The following GABRG2 variants were observed in gnomAD, a reference collection of about 807,000 sequenced individuals.
The protein encoded by GABRG2 is gamma-aminobutyric acid receptor subunit gamma-2.
In GABRG2, 16 loss-of-function variants were observed where a neutral mutation model predicts 56.4. The ratio of observed to expected loss-of-function variants is 0.28; its 90% CI spans 0.19 to 0.43. The LOEUF is 0.43. Among genes scored for constraint, GABRG2 ranks in the 20% least tolerant of loss-of-function variants. The pLI, the probability that GABRG2 is intolerant of heterozygous loss-of-function variation, is 1.00. For synonymous variants in GABRG2, 208 were observed against 205.5 expected (o/e 1.01, Z -0.10); for missense variants, 327 against 582.7 (o/e 0.56, Z 4.52).
chr5:162,078,651 C>T (rs997162321), intron 1 of GABRG2, among the ~76,000 whole-genome samples: 9 of 151,294 alleles, frequency 5.9e-5, no homozygotes, highest in Admixed American at 2.6e-4. Flanking sequence ...CTGATCCACC[C>T]GCCTTGGCCT....
At chr5:162,122,650 A>C (rs1763052995) in intron 6 of GABRG2, among the ~76,000 whole-genome samples, 1 of 151,704 alleles carries the variant, frequency 6.6e-6, no homozygotes, top group Non-Finnish European at 1.5e-5. Flanking sequence ...TTTTAAAAAG[A>C]GAGAAAAGAT....
intron 7 of GABRG2, among the ~76,000 whole-genome samples, chr5:162,144,416 C>G (rs1215821615): frequency 3.9e-5 from 6 of 152,154 alleles, no homozygotes; most frequent in Non-Finnish European, 7.3e-5. Flanking sequence ...AATAAGTGTT[C>G]ACTGGCAAAG....
chr5:162,154,902 A>G lies in GABRG2; in HGVS notation c.*1534A>G, dbSNP rs950320663. ...CCTCATTAGATTACATTGTAGTTAAACAAAGCAATTTCTCCAGACTTAAAA... is the reference window on the plus strand; with the variant it reads ...CCTCATTAGATTACATTGTAGTTAAGCAAAGCAATTTCTCCAGACTTAAAA... On this transcript the variant is annotated 3_prime_UTR_variant, in exon 10 of 10. Coordinates refer to ENST00000639213, the MANE Select transcript of GABRG2 (RefSeq NM_198904.4). 2 of 152,138 alleles carry G rather than the reference A, an allele frequency of 1.3e-5. No homozygotes were observed. Among genetic ancestry groups the G allele is most frequent in the Admixed American group, 1.3e-4 (2 of 15,250 alleles). 9.4% of individuals were successfully genotyped at this position (152,138 alleles called of 1,614,324 possible).
intron 1 of GABRG2, among the ~76,000 whole-genome samples, chr5:162,079,375 T>C (rs1759463105): frequency 6.6e-6 from 1 of 152,218 alleles, no homozygotes; most frequent in Non-Finnish European, 1.5e-5. Flanking sequence ...CAATAAAATA[T>C]ATCAGAGAAG....
At chr5:162,067,525 AT>A (rs929024240), upstream of GABRG2, 16 of 430,466 alleles carry the variant, frequency 3.7e-5, no homozygotes, top group African/African-American at 1.2e-4. Context: ...GTCTCTAGTG[AT>A]TTTTTTCCTA....
chr5:162,097,578 A>G, intron 3 of GABRG2, 60 bp from the exon 4 acceptor site: 2 of 1,251,064 alleles, frequency 1.6e-6, no homozygotes, highest in South Asian at 1.2e-5. Flanking sequence ...AAATATACCA[A>G]TATTTAAAAA....
At chr5:162,089,201 C>G (rs1165732485) in intron 1 of GABRG2, among the ~76,000 whole-genome samples, 1 of 152,028 alleles carries the variant, frequency 6.6e-6, no homozygotes, top group African/African-American at 2.4e-5. Context: ...CAGTTACATG[C>G]AAAGGTTCTG....
At chr5:162,110,579 T>A (rs1762183115) in intron 6 of GABRG2, among the ~76,000 whole-genome samples, 1 of 151,828 alleles carries the variant, frequency 6.6e-6, no homozygotes, top group Admixed American at 6.6e-5. Flanking sequence ...AAAAGGAAAG[T>A]TAAAAAGCTA....
intron 1 of GABRG2, among the ~76,000 whole-genome samples, chr5:162,077,073 C>CG (rs1759181821): frequency 6.8e-6 from 1 of 146,638 alleles, no homozygotes; most frequent in Admixed American, 6.9e-5. Context: ...ACAACTACCC[C>CG]TGTGTGTGTG....
chr5:162,094,118 A>C (rs1385083924), intron 2 of GABRG2, 139 bp downstream of exon 2: 9 of 918,800 alleles, frequency 9.8e-6, no homozygotes, highest in Non-Finnish European at 1.5e-5. Context: ...GTAGTGTTTA[A>C]ATAGCATTCA....
At chr5:162,083,985 A>G (rs1049269199) in intron 1 of GABRG2, among the ~76,000 whole-genome samples, 2 of 151,870 alleles carry the variant, frequency 1.3e-5, no homozygotes, top group African/African-American at 2.4e-5. Flanking sequence ...GTCACTTTTC[A>G]TATTAGAAGA....
At chr5:162,133,587 G>A (rs1763907465) in intron 6 of GABRG2, among the ~76,000 whole-genome samples, 2 of 152,090 alleles carry the variant, frequency 1.3e-5, no homozygotes, top group African/African-American at 4.8e-5. Flanking sequence ...TTTCTGAGCT[G>A]GAGTTGTTTT....
At chr5:162,076,294 A>G (rs1759099947) in intron 1 of GABRG2, among the ~76,000 whole-genome samples, 3 of 152,156 alleles carry the variant, frequency 2.0e-5, no homozygotes, top group Non-Finnish European at 4.4e-5. Context: ...ACAGGACATT[A>G]TTTATCCCCT....
chr5:162,094,075 G>T, intron 2 of GABRG2, 96 bp downstream of exon 2: 2 of 1,365,176 alleles, frequency 1.5e-6, no homozygotes, highest in South Asian at 1.2e-5. Context: ...GAGCAAGGAA[G>T]ATTTAAATTA....
chr5:162,133,616 G>A (rs1763910436), intron 6 of GABRG2, among the ~76,000 whole-genome samples: 1 of 152,058 alleles, frequency 6.6e-6, no homozygotes, highest in Non-Finnish European at 1.5e-5. Context: ...ATATCCCAAG[G>A]TGAACATATT....
chr5:162,149,195 T>C lies in GABRG2; in HGVS notation c.1010T>C (p.Leu337Pro). 1 of 1,614,192 alleles carries C rather than the reference T, an allele frequency of 6.2e-7. No individual in the cohort carries two copies. Among genetic ancestry groups the C allele is most frequent in the Non-Finnish European group, 8.5e-7 (1 of 1,180,038 alleles). ...PKVSYVTAMD[L>P]FVSVCFIFVF... The stretch of plus-strand genomic sequence containing the variant: ...GTCTCCTATGTCACAGCGATGGATC[T>C]CTTTGTATCTGTTTGTTTCATCTTT... Residue 337 changes from leucine (L) to proline (P), a missense_variant, in exon 8 of 10, where the codon CTC (leucine) becomes CCC (proline). Around this residue, in one of 4 missense-constraint regions of GABRG2, gnomAD observed 42 missense variants for 156.9 expected, o/e 0.27. Coordinates refer to ENST00000639213, the MANE Select transcript of GABRG2 (RefSeq NM_198904.4).
chr5:162,141,182 G>A lies in GABRG2; in HGVS notation c.770-982G>A, dbSNP rs1376594006. Reference sequence around the variant, plus strand: ...CTCCCGAGTAGCTGGGACTACAGGCGCCCGCCACACCACCAGGCTAATTTT... The same window carrying A: ...CTCCCGAGTAGCTGGGACTACAGGCACCCGCCACACCACCAGGCTAATTTT... On this transcript the variant is annotated intron_variant, in intron 6 of 9. Coordinates refer to ENST00000639213, the MANE Select transcript of GABRG2 (RefSeq NM_198904.4). Among the ~76,000 whole-genome samples the A allele has an allele frequency of 9.2e-5, 14 of 151,754 alleles. No homozygotes were observed. In the South Asian group the frequency reaches 2.3e-3, roughly 25 times the overall value.
chr5:162,109,420 A>ATATATTTATTTATTTATT (rs1424412323), intron 6 of GABRG2, among the ~76,000 whole-genome samples: 40 of 116,114 alleles, frequency 3.4e-4, no homozygotes, highest in African/African-American at 5.2e-4. Context: ...ATATATATAT[A>ATATATTTATTTATTTATT]TATTTATTTA....
chr5:162,117,249 A>C (rs1387616168), intron 6 of GABRG2, among the ~76,000 whole-genome samples: 4 of 152,188 alleles, frequency 2.6e-5, no homozygotes, highest in African/African-American at 9.6e-5. Flanking sequence ...CAGCTTTATT[A>C]ATTACAAGTC....
Sources: allele counts gnomAD v4.1 joint callset (sites outside exome capture counted in the v4.1 genomes callset), GRCh38; gene constraint gnomAD v4.1.1; regional missense constraint gnomAD v4.1.1; transcripts MANE v1.5; gene names NCBI Gene and HGNC (gene_info 2026-07-23, HGNC 2026-07-21).